The following TOX2 variants were observed in gnomAD, a reference collection of about 807,000 sequenced individuals.
TOX2 encodes granulosa cell HMG box 1.
A neutral mutation model predicts 47.4 loss-of-function variants in TOX2; 15 were observed. That is an observed-to-expected ratio of 0.32 (90% CI 0.21 to 0.49). The LOEUF (loss-of-function observed/expected upper bound fraction) is 0.49. Among genes scored for constraint, TOX2 ranks in the 20% least tolerant of loss-of-function variants. The pLI is 0.99. For synonymous variants in TOX2, 290 were observed against 296.6 expected, an observed-to-expected ratio of 0.98 and a Z score of 0.23; for missense variants, 622 against 673.1, an observed-to-expected ratio of 0.92 and a Z score of 0.84.
At chr20:44,024,455 T>C (rs1382929488) in intron 3 of TOX2, among the ~76,000 whole-genome samples, 1 of 152,204 alleles carries the variant, frequency 6.6e-6, no homozygotes. Context: ...ATTTTTTATT[T>C]TGAATTCTTT....
chr20:44,066,904 T>G, intron 8 of TOX2, 47 bp downstream of exon 8: 1 of 1,581,648 alleles, frequency 6.3e-7, no homozygotes, highest in East Asian at 2.2e-5. Context: ...CCAGGGAGAG[T>G]GGGAACAGGA....
At chr20:43,974,168 G>A (rs1189815110) in intron 2 of TOX2, among the ~76,000 whole-genome samples, 1 of 151,728 alleles carries the variant, frequency 6.6e-6, no homozygotes, top group Non-Finnish European at 1.5e-5. Flanking sequence ...GGTCCTCACT[G>A]CAGGCTGGGA....
At chr20:44,056,081 T>C (rs1339219138) in intron 5 of TOX2, among the ~76,000 whole-genome samples, 1 of 152,094 alleles carries the variant, frequency 6.6e-6, no homozygotes, top group Non-Finnish European at 1.5e-5. Context: ...CGCTGGGAAC[T>C]CAGGAGCCTG....
chr20:43,943,833 G>T (rs900571490), intron 1 of TOX2, among the ~76,000 whole-genome samples: 24 of 148,044 alleles, frequency 1.6e-4, no homozygotes, highest in African/African-American at 5.8e-4. Context: ...TTTCAAGGCC[G>T]CATAGTATTC....
At position 44,051,308 on chromosome 20, in the gene TOX2, C is replaced by G; in HGVS notation, c.414C>G (p.Ile138Met). 1 of 1,604,824 alleles carries G rather than the reference C, an allele frequency of 6.2e-7. No homozygotes were observed. The highest frequency in any genetic ancestry group is 1.7e-4 in the Middle Eastern group (1 of 6,024). ...SHLLSGQLPT[I>M]QEMVHSEVAA... ...ACCCTCCTGTCCTCCTCTCTTAGAT[C>G]CAGGAGATGGTCCACTCGGAAGTGG... The change falls in exon 4 of 9, where the codon ATC (isoleucine) becomes ATG (methionine). Residue 138 changes from isoleucine to methionine, a missense_variant and splice_region_variant. Coordinates refer to ENST00000341197, the MANE Select transcript of TOX2 (RefSeq NM_001098797.2).
chr20:43,930,816 C>T (rs1011724584), intron 1 of TOX2, among the ~76,000 whole-genome samples: 1 of 152,154 alleles, frequency 6.6e-6, no homozygotes. Flanking sequence ...AGGGAAATCA[C>T]CTGCTATGAT....
intron 1 of TOX2, among the ~76,000 whole-genome samples, chr20:43,921,551 C>T (rs2069112854): frequency 6.6e-6 from 1 of 152,212 alleles, no homozygotes; most frequent in Non-Finnish European, 1.5e-5. Flanking sequence ...CTTTCATTTT[C>T]ATCCACAAAG....
At chr20:43,967,975 C>A (rs544129690) in intron 1 of TOX2, among the ~76,000 whole-genome samples, 1 of 152,266 alleles carries the variant, frequency 6.6e-6, no homozygotes, top group South Asian at 2.1e-4. Flanking sequence ...ATAAAAAAAA[C>A]TGTGGCTACT....
chr20:43,937,239 C>T (rs955281183), intron 1 of TOX2, among the ~76,000 whole-genome samples: 1 of 152,138 alleles, frequency 6.6e-6, no homozygotes, highest in Non-Finnish European at 1.5e-5. Flanking sequence ...TTGACCACTC[C>T]AAGAAAGTGC....
chr20:43,959,304 C>G (rs573814339), intron 1 of TOX2, among the ~76,000 whole-genome samples: 2 of 152,352 alleles, frequency 1.3e-5, no homozygotes, highest in East Asian at 3.9e-4. Context: ...AGCTGTGCTG[C>G]ACCAGTGTTC....
intron 3 of TOX2, among the ~76,000 whole-genome samples, chr20:44,023,723 A>C (rs1048701563): frequency 2.6e-5 from 4 of 152,268 alleles, no homozygotes; most frequent in Non-Finnish European, 5.9e-5. Flanking sequence ...TGCTCTCAGC[A>C]TCAGTGCCAC....
intron 5 of TOX2, among the ~76,000 whole-genome samples, chr20:44,063,769 C>G (rs2071761902): frequency 9.6e-6 from 1 of 103,868 alleles, no homozygotes; most frequent in Admixed American, 9.8e-5. Flanking sequence ...TACACACACA[C>G]ACATATACAT....
intron 1 of TOX2, among the ~76,000 whole-genome samples, chr20:43,952,459 T>G (rs941721593): frequency 6.6e-6 from 1 of 152,136 alleles, no homozygotes; most frequent in African/African-American, 2.4e-5. Context: ...AGCAGAGAAG[T>G]AGGGGTTGGG....
At chr20:43,993,911 G>A (rs932072006) in intron 2 of TOX2, among the ~76,000 whole-genome samples, 4 of 152,160 alleles carry the variant, frequency 2.6e-5, no homozygotes, top group Non-Finnish European at 4.4e-5. Context: ...CCAGCACTTC[G>A]GAATGGAAAG....
intron 3 of TOX2, among the ~76,000 whole-genome samples, chr20:44,014,128 CAAAAAAAA>C (rs55721806): frequency 2.8e-4 from 15 of 53,570 alleles, no homozygotes; most frequent in African/African-American, 9.7e-4. Flanking sequence ...GAGACTATCT[CAAAAAAAA>C]AAAAAAAAAA....
At chr20:43,975,428 G>T (rs1600699727) in intron 2 of TOX2, among the ~76,000 whole-genome samples, 1 of 152,194 alleles carries the variant, frequency 6.6e-6, no homozygotes, top group South Asian at 2.1e-4. Flanking sequence ...AGAATGAGTA[G>T]ACGTTATTGT....
chr20:44,053,574 CATATATATACTATATAT>C (rs2071563731), intron 4 of TOX2, among the ~76,000 whole-genome samples: 2 of 136,096 alleles, frequency 1.5e-5, no homozygotes, highest in Non-Finnish European at 1.5e-5. Context: ...TATACACACA[CATATATATACTATATAT>C]ACACACACAT....
chr20:44,000,236 C>T (rs1397175384), intron 2 of TOX2, among the ~76,000 whole-genome samples: 2 of 152,138 alleles, frequency 1.3e-5, no homozygotes, highest in Non-Finnish European at 2.9e-5. Context: ...AATTCTGGCC[C>T]TGGGGTGAGA....
chr20:44,026,227 T>TTATATATATATATA (rs2071059205), intron 3 of TOX2, among the ~76,000 whole-genome samples: 6 of 34,086 alleles, frequency 1.8e-4, no homozygotes, highest in Admixed American at 7.9e-4. Context: ...AAAGAAACTG[T>TTATATATATATATA]GATATATATA....
Sources: gnomAD v4.1 joint callset for allele counts (sites outside exome capture counted in the v4.1 genomes callset) on GRCh38, gnomAD v4.1.1 for gene constraint, MANE v1.5 for transcripts, NCBI Gene and HGNC (gene_info 2026-07-23, HGNC 2026-07-21) for gene names.